ARL15: variants seen among roughly 807,000 people sequenced by gnomAD.
ARL15 encodes the protein ARF like GTPase 15, also known as ADP-ribosylation factor-like protein 15.
In ARL15, 19 loss-of-function variants were observed where a neutral mutation model predicts 25.2. The observed-to-expected ratio is 0.75, with a 90% CI of 0.53 to 1.10. The LOEUF is 1.10. Among genes scored for constraint, ARL15 ranks in the 50% least tolerant of loss-of-function variants. The probability of loss-of-function intolerance (pLI) is 0.00; values close to 1 mark genes in which losing one functional copy is unlikely to be tolerated. For missense variants in ARL15, 220 were observed against 246.0 expected (o/e 0.89, Z 0.71); for synonymous variants, 94 against 86.8 (o/e 1.08, Z -0.46).
intron 4 of ARL15, among the ~76,000 whole-genome samples, chr5:54,059,152 C>T (rs1410327684): frequency 6.6e-6 from 1 of 152,062 alleles, no homozygotes; most frequent in African/African-American, 2.4e-5. Flanking sequence ...TGCTTTTTTT[C>T]TTCTATAGAC....
chr5:54,226,785 C>G (rs995793946), intron 1 of ARL15, among the ~76,000 whole-genome samples: 7 of 152,228 alleles, frequency 4.6e-5, no homozygotes, highest in South Asian at 2.1e-4. Flanking sequence ...ACATCTGATA[C>G]GGTGTGGCTA....
At chr5:54,132,489 T>C (rs528782038) in intron 3 of ARL15, among the ~76,000 whole-genome samples, 31 of 152,160 alleles carry the variant, frequency 2.0e-4, no homozygotes, top group Non-Finnish European at 3.1e-4. Flanking sequence ...AAATAATCAA[T>C]AGACACAAAT....
intron 4 of ARL15, among the ~76,000 whole-genome samples, chr5:53,977,240 C>G (rs936508173): frequency 6.6e-6 from 1 of 151,756 alleles, no homozygotes; most frequent in Non-Finnish European, 1.5e-5. Flanking sequence ...GCCTGTAGTC[C>G]CAGCTACTCG....
At chr5:54,199,351 T>A (rs1458750556) in intron 1 of ARL15, among the ~76,000 whole-genome samples, 3 of 150,986 alleles carry the variant, frequency 2.0e-5, no homozygotes, top group Admixed American at 6.6e-5. Flanking sequence ...ACCATCAGAG[T>A]GAACAGGCAA....
intron 4 of ARL15, among the ~76,000 whole-genome samples, chr5:53,916,760 G>C (rs1028653055): frequency 6.6e-6 from 1 of 151,946 alleles, no homozygotes. Context: ...TCCCCTAAAG[G>C]CTATTAACAA....
At chr5:54,041,865 T>C (rs777242560) in intron 4 of ARL15, among the ~76,000 whole-genome samples, 4 of 152,190 alleles carry the variant, frequency 2.6e-5, no homozygotes, top group Non-Finnish European at 4.4e-5. Context: ...GCTATGTAGC[T>C]ATGTATAAAT....
intron 1 of ARL15, among the ~76,000 whole-genome samples, chr5:54,249,866 G>A (rs1757196469): frequency 6.6e-6 from 1 of 152,148 alleles, no homozygotes; most frequent in Non-Finnish European, 1.5e-5. Flanking sequence ...CAGCCTGCCA[G>A]GAGAAAAACC....
chr5:54,188,643 A>G (rs1173190680), intron 1 of ARL15, among the ~76,000 whole-genome samples: 1 of 152,222 alleles, frequency 6.6e-6, no homozygotes, highest in African/African-American at 2.4e-5. Context: ...CACAAGAGGA[A>G]TAAGACATCA....
chr5:54,091,246 C>G (rs1475264889), intron 4 of ARL15, among the ~76,000 whole-genome samples: 1 of 152,134 alleles, frequency 6.6e-6, no homozygotes, highest in East Asian at 1.9e-4. Context: ...AGTGTCAACA[C>G]TCCCAAGACC....
chr5:54,183,710 G>C (rs1462895071), intron 1 of ARL15, among the ~76,000 whole-genome samples: 1 of 149,238 alleles, frequency 6.7e-6, no homozygotes, highest in African/African-American at 2.5e-5. Context: ...CAGGGATCTA[G>C]AACTAGAAAT....
intron 4 of ARL15, among the ~76,000 whole-genome samples, chr5:54,112,063 A>G (rs1752756863): frequency 6.6e-6 from 1 of 152,148 alleles, no homozygotes; most frequent in African/African-American, 2.4e-5. Context: ...TTAATGCTGA[A>G]TGAGGCAACT....
At chr5:54,076,863 G>C (rs1237805553) in intron 4 of ARL15, among the ~76,000 whole-genome samples, 1 of 151,862 alleles carries the variant, frequency 6.6e-6, no homozygotes, top group Non-Finnish European at 1.5e-5. Flanking sequence ...TTCCTAAAAA[G>C]GCTCCTGTGC....
At chr5:54,111,824 A>G (rs919822676) in intron 4 of ARL15, among the ~76,000 whole-genome samples, 6 of 152,088 alleles carry the variant, frequency 3.9e-5, no homozygotes, top group African/African-American at 1.4e-4. Flanking sequence ...ACTACCCTTC[A>G]TTACATACTA....
intron 3 of ARL15, among the ~76,000 whole-genome samples, chr5:54,118,434 A>G (rs980897745): frequency 9.2e-5 from 14 of 152,300 alleles, no homozygotes; most frequent in African/African-American, 2.9e-4. Context: ...TTTCATTAAA[A>G]ATGTTATTTA....
At chr5:54,237,995 C>A (rs1188312447) in intron 1 of ARL15, among the ~76,000 whole-genome samples, 1 of 152,044 alleles carries the variant, frequency 6.6e-6, no homozygotes, top group Non-Finnish European at 1.5e-5. Flanking sequence ...CACAAGAGTA[C>A]CAGAGGACGT....
chr5:54,184,985 G>A (rs1755195584), intron 1 of ARL15, among the ~76,000 whole-genome samples: 1 of 152,098 alleles, frequency 6.6e-6, no homozygotes, highest in Non-Finnish European at 1.5e-5. Context: ...ACAGCTGTCA[G>A]GATAAAGTAC....
Position 54,252,059 on chromosome 5 carries a change from T to C in ARL15, c.48+58373A>G, listed in dbSNP as rs556119295. On this transcript the variant is annotated intron_variant, in intron 1 of 4. Transcript: ENST00000504924. ...TTTCCTTATTGAACACAAGAAATGA[T>C]ATTCCATGCTATCAGCAACATGCAG... 2.6e-5 allele frequency among the ~76,000 whole-genome samples: 4 copies of C among 152,338 alleles called. No homozygotes were observed. In the South Asian group the frequency reaches 8.3e-4, roughly 32 times the overall value.
At chr5:54,029,670 G>A (rs2111887201) in intron 4 of ARL15, among the ~76,000 whole-genome samples, 1 of 152,170 alleles carries the variant, frequency 6.6e-6, no homozygotes, top group South Asian at 2.1e-4. Flanking sequence ...ACTAGCTTGT[G>A]TAACACAGAA....
intron 4 of ARL15, among the ~76,000 whole-genome samples, chr5:53,936,092 G>A (rs1746341726): frequency 1.3e-5 from 2 of 150,860 alleles, no homozygotes; most frequent in Admixed American, 1.3e-4. Flanking sequence ...GGAAAAAAAA[G>A]AAAATGAAAT....
Sources: gnomAD v4.1 joint callset for allele counts (sites outside exome capture counted in the v4.1 genomes callset) on GRCh38, gnomAD v4.1.1 for gene constraint, MANE v1.5 for transcripts, NCBI Gene and HGNC (gene_info 2026-07-23, HGNC 2026-07-21) for gene names.